IFT81: variants seen among roughly 807,000 people sequenced by gnomAD.
The protein encoded by IFT81 is intraflagellar transport 81, also known as intraflagellar transport protein 81 homolog.
IFT81 carries 72 observed loss-of-function variants against 102.6 expected under a neutral mutation model. That is an observed-to-expected ratio of 0.70 (90% confidence interval 0.58 to 0.85). The LOEUF is 0.85. Ranked by LOEUF, IFT81 falls within the 40% of genes least tolerant of loss-of-function variation. The pLI is 0.00. For missense variants in IFT81, 723 were observed against 787.3 expected (o/e 0.92, Z 0.98); for synonymous variants, 237 against 242.7 (o/e 0.98, Z 0.22).
At chr12:110,155,124 CTTCT>C (rs981968793) in intron 10 of IFT81, among the ~76,000 whole-genome samples, 4 of 151,944 alleles carry the variant, frequency 2.6e-5, no homozygotes, top group African/African-American at 9.7e-5. Context: ...TAATAATGTC[CTTCT>C]TTGTCTCTTG....
chr12:110,128,413 A>C (rs1893968352), intron 3 of IFT81, among the ~76,000 whole-genome samples: 1 of 149,944 alleles, frequency 6.7e-6, no homozygotes, highest in Non-Finnish European at 1.5e-5. Context: ...AAAACAGCTT[A>C]AACACAACTT....
chr12:110,169,464 A>AT lies in IFT81; in HGVS notation c.1188+6407dup, dbSNP rs535445276. 2.0e-4 allele frequency among the ~76,000 whole-genome samples: 31 copies of AT among 152,024 alleles called. No homozygotes were observed. The South Asian group carries it at 5.4e-3, about 27-fold the overall frequency. ...CCCCTGACACAGATGGATTAGTGTT[A>AT]TTTTTTTTGTTTATGAGAAAGCCAA... On this transcript the variant is annotated intron_variant, in intron 11 of 18. Transcript: ENST00000242591.
intron 11 of IFT81, chr12:110,169,036 CCTT>C (rs1896599684): frequency 7.9e-6 from 1 of 126,514 alleles, no homozygotes; most frequent in Admixed American, 7.9e-5. Context: ...TTCCTTCCTT[CCTT>C]CCTTCCTTCC....
chr12:110,204,138 A>T (rs1200624433), intron 15 of IFT81, 188 bp downstream of exon 15: 1 of 504,204 alleles, frequency 2.0e-6, no homozygotes, highest in Non-Finnish European at 3.5e-6. Flanking sequence ...TCTAAAAAAA[A>T]TGTTTTAAAT....
At chr12:110,212,610 G>A (rs1869603607) in intron 18 of IFT81, among the ~76,000 whole-genome samples, 1 of 151,860 alleles carries the variant, frequency 6.6e-6, no homozygotes, top group Admixed American at 6.6e-5. Context: ...GCCAAGGTGG[G>A]TGGGTCACCT....
chr12:110,171,668 T>C (rs1896737247), intron 11 of IFT81, among the ~76,000 whole-genome samples: 1 of 152,222 alleles, frequency 6.6e-6, no homozygotes. Flanking sequence ...TAAAAGACTG[T>C]CATTTTAGCA....
chr12:110,170,588 A>C (rs1896684354), intron 11 of IFT81, among the ~76,000 whole-genome samples: 1 of 152,234 alleles, frequency 6.6e-6, no homozygotes, highest in Non-Finnish European at 1.5e-5. Flanking sequence ...ATGCAGTACT[A>C]GTACCCTTCC....
At chr12:110,200,875 G>T (rs1049823056) in intron 14 of IFT81, among the ~76,000 whole-genome samples, 1 of 151,772 alleles carries the variant, frequency 6.6e-6, no homozygotes, top group Non-Finnish European at 1.5e-5. Context: ...GCTTGAACCC[G>T]GGAGGCGGAG....
In IFT81 at chr12:110,157,566, T is replaced by C. The variant is rs188436389; in HGVS notation, c.1042-5353T>C. Among the ~76,000 whole-genome samples, 17 of 152,330 alleles carry C rather than the reference T, an allele frequency of 1.1e-4. No homozygotes were observed. The East Asian group carries it at 3.1e-3, about 28-fold the overall frequency. ...CTTAGATGTTTATATTTGTATTTAA[T>C]CAAATTGATGAAGTTTTCATACATT... is the stretch of plus-strand genomic sequence containing the variant. On this transcript the variant is annotated intron_variant, in intron 10 of 18. Transcript: ENST00000242591.
intron 12 of IFT81, among the ~76,000 whole-genome samples, chr12:110,183,511 G>A (rs530033936): frequency 9.2e-5 from 14 of 152,288 alleles, no homozygotes; most frequent in African/African-American, 1.9e-4. Context: ...TACCAACAAA[G>A]CCATTCTGTT....
intron 3 of IFT81, among the ~76,000 whole-genome samples, chr12:110,128,577 C>T (rs1405766265): frequency 2.0e-5 from 3 of 151,460 alleles, no homozygotes; most frequent in Non-Finnish European, 4.4e-5. Context: ...ATCACTTGAG[C>T]TCAGGAGTTT....
chr12:110,136,049 A>C (rs1289990138), intron 7 of IFT81, among the ~76,000 whole-genome samples: 2 of 152,074 alleles, frequency 1.3e-5, no homozygotes, highest in Non-Finnish European at 2.9e-5. Context: ...AACTTCTAGA[A>C]TCTCTACAGG....
rs1260099782 is a variant in IFT81, at chr12:110,218,143, A to G, written c.1948A>G (p.Lys650Glu). The G allele has an allele frequency of 6.3e-7, 1 of 1,593,142 alleles. No individual in the cohort carries two copies. Among genetic ancestry groups the G allele is most frequent in the African/African-American group, 1.4e-5 (1 of 73,412 alleles). ...TTTGGAACAATTAATGGAATGTAAG[A>G]AACAGTGCTTTCTGAAACAACAAAG... ...RDLEQLMECK[K>E]QCFLKQQSQT... Residue 650 changes from lysine to glutamate, a missense_variant, in exon 19 of 19, where the codon AAA becomes GAA. Lys to Glu is a moderately conservative substitution (Grantham distance 56). Transcript: ENST00000242591.
chr12:110,176,701 G>A (rs997395243), intron 11 of IFT81, among the ~76,000 whole-genome samples: 1 of 152,110 alleles, frequency 6.6e-6, no homozygotes, highest in African/African-American at 2.4e-5. Flanking sequence ...ATGCTTTGAT[G>A]GCCACCTATT....
chr12:110,210,624 A>C (rs1017417666), intron 18 of IFT81, among the ~76,000 whole-genome samples: 1 of 151,594 alleles, frequency 6.6e-6, no homozygotes, highest in Non-Finnish European at 1.5e-5. Context: ...CTGTAGTTGC[A>C]GCTACTCTGG....
chr12:110,138,888 G>A (rs1386601270), intron 8 of IFT81, among the ~76,000 whole-genome samples: 1 of 152,114 alleles, frequency 6.6e-6, no homozygotes, highest in Non-Finnish European at 1.5e-5. Context: ...ATTTACCCAG[G>A]ATTTTGAAAG....
intron 4 of IFT81, among the ~76,000 whole-genome samples, chr12:110,130,061 G>A (rs112687829): frequency 3.3e-5 from 5 of 152,052 alleles, no homozygotes; most frequent in East Asian, 3.8e-4. Context: ...GGATTGAATC[G>A]CAGTAACCAA....
rs1466714229 is a variant in IFT81, at chr12:110,180,418, A to T, written c.1189-4A>T. ...TTAGATTACATATTGTGTTTTTTTT[A>T]CAGTTCAAACGATATGTCAATAAAC... On this transcript the variant is annotated splice_polypyrimidine_tract_variant and splice_region_variant and intron_variant, in intron 11 of 18. Coordinates refer to ENST00000242591, the MANE Select transcript of IFT81 (RefSeq NM_014055.4). The T allele has an allele frequency of 6.4e-7, 1 of 1,574,094 alleles. No homozygotes were observed. The highest frequency in any genetic ancestry group is 2.3e-5 in the East Asian group (1 of 44,404).
intron 7 of IFT81, among the ~76,000 whole-genome samples, chr12:110,136,234 C>A (rs536801977): frequency 6.6e-6 from 1 of 152,176 alleles, no homozygotes; most frequent in Non-Finnish European, 1.5e-5. Flanking sequence ...ATTACTTTTA[C>A]TTATTAAAAA....
Sources: allele counts gnomAD v4.1 joint callset (sites outside exome capture counted in the v4.1 genomes callset), GRCh38; gene constraint gnomAD v4.1.1; transcripts MANE v1.5; gene names NCBI Gene and HGNC (gene_info 2026-07-23, HGNC 2026-07-21).